Variants in BBX observed in about 807,000 individuals in gnomAD.
BBX encodes BBX high mobility group box domain containing, also known as HMG box transcription factor BBX.
Under a neutral mutation model 100.2 loss-of-function variants are expected in BBX, and 30 were observed. The ratio of observed to expected loss-of-function variants is 0.30; its 90% confidence interval spans 0.22 to 0.41. BBX has a LOEUF of 0.41. Ranked by LOEUF, BBX falls within the 10% of genes least tolerant of loss-of-function variation. The pLI, the probability that BBX is intolerant of heterozygous loss-of-function variation, is 1.00. For synonymous variants in BBX, 376 were observed against 388.1 expected (o/e 0.97, Z 0.37); for missense variants, 1,023 against 1,129.8 (o/e 0.91, Z 1.35).
chr3:107,534,995 ATTAC>A (rs1038677993), intron 2 of BBX, among the ~76,000 whole-genome samples: 2 of 152,130 alleles, frequency 1.3e-5, no homozygotes, highest in African/African-American at 2.4e-5. Context: ...TTTTGTTTTT[ATTAC>A]TTTATTTTTC....
intron 3 of BBX, among the ~76,000 whole-genome samples, chr3:107,674,480 G>A (rs2059182933): frequency 6.6e-6 from 1 of 152,088 alleles, no homozygotes; most frequent in Admixed American, 6.6e-5. Context: ...AATGACTTTG[G>A]GACTCTGGAC....
At chr3:107,739,650 A>G (rs1357434836) in intron 7 of BBX, among the ~76,000 whole-genome samples, 2 of 152,216 alleles carry the variant, frequency 1.3e-5, no homozygotes, top group African/African-American at 4.8e-5. Flanking sequence ...AGGTGGGCAG[A>G]AAGAGAGCTG....
chr3:107,750,841 A>G (rs1487092991), intron 9 of BBX, among the ~76,000 whole-genome samples: 3 of 152,268 alleles, frequency 2.0e-5, no homozygotes, highest in Admixed American at 2.0e-4. Flanking sequence ...TTCATAAAAC[A>G]CCATCACCTT....
chr3:107,770,936 G>A (rs2066855480), intron 10 of BBX, among the ~76,000 whole-genome samples: 1 of 152,128 alleles, frequency 6.6e-6, no homozygotes, highest in African/African-American at 2.4e-5. Flanking sequence ...ACCTAAAAAT[G>A]AATTTTACAG....
chr3:107,650,945 G>C (rs2057803175), intron 3 of BBX, among the ~76,000 whole-genome samples: 1 of 152,070 alleles, frequency 6.6e-6, no homozygotes, highest in Non-Finnish European at 1.5e-5. Context: ...CACCAGAAAG[G>C]GCTGCCTTTT....
intron 2 of BBX, among the ~76,000 whole-genome samples, chr3:107,555,509 C>G (rs2050030172): frequency 1.3e-5 from 2 of 152,088 alleles, no homozygotes; most frequent in African/African-American, 4.8e-5. Context: ...TCATGAAGAT[C>G]AAACAAAAAA....
chr3:107,547,510 G>A lies in BBX; in HGVS notation c.-84+21112G>A, dbSNP rs2049324326. Among the ~76,000 whole-genome samples the A allele has an allele frequency of 1.3e-5, 2 of 152,082 alleles. 1 individual carries two copies. The highest frequency in any genetic ancestry group is 4.1e-4 in the South Asian group (2 of 4,826). ...GACATACGACTTTAAGATCTGATCA[G>A]ATCTCTCACAGATTCCCATGAAACC... On this transcript the variant is annotated intron_variant, in intron 2 of 17. Coordinates refer to ENST00000325805, the MANE Select transcript of BBX (RefSeq NM_001142568.3).
intron 3 of BBX, chr3:107,662,842 C>T (rs1053021796): frequency 6.6e-6 from 1 of 151,898 alleles, no homozygotes; most frequent in Non-Finnish European, 1.5e-5. Context: ...AAACTAACAC[C>T]GGAAATATTT....
intron 3 of BBX, among the ~76,000 whole-genome samples, chr3:107,692,916 T>G (rs1263982448): frequency 1.3e-5 from 2 of 150,736 alleles, no homozygotes; most frequent in Admixed American, 6.6e-5. Flanking sequence ...GGTATCTCGT[T>G]GTGGTTTTGA....
At chr3:107,719,058 G>A (rs567001457) in intron 5 of BBX, among the ~76,000 whole-genome samples, 2 of 152,116 alleles carry the variant, frequency 1.3e-5, no homozygotes, top group South Asian at 2.1e-4. Flanking sequence ...GCCTTAACTG[G>A]AATGTTAGTT....
intron 2 of BBX, among the ~76,000 whole-genome samples, chr3:107,530,005 T>C (rs1425872650): frequency 6.6e-6 from 1 of 152,196 alleles, no homozygotes; most frequent in East Asian, 1.9e-4. Context: ...TATTACCAAA[T>C]GTACCAAAAT....
chr3:107,695,802 A>T (rs1179017621), intron 3 of BBX, among the ~76,000 whole-genome samples: 9 of 151,388 alleles, frequency 5.9e-5, no homozygotes, highest in African/African-American at 2.2e-4. Flanking sequence ...GGGGTGTTAA[A>T]GTCTCCCATT....
chr3:107,723,368 G>C (rs2107453790), intron 5 of BBX, among the ~76,000 whole-genome samples: 1 of 151,828 alleles, frequency 6.6e-6, no homozygotes, highest in East Asian at 1.9e-4. Flanking sequence ...TTTTGTAAAT[G>C]ATCTGGAAAA....
intron 2 of BBX, among the ~76,000 whole-genome samples, chr3:107,602,239 G>A (rs1396684435): frequency 2.0e-5 from 3 of 152,202 alleles, no homozygotes; most frequent in Admixed American, 6.5e-5. Flanking sequence ...TGCTAACACA[G>A]CATTCATTCT....
At chr3:107,616,065 AT>A (rs1294912799) in intron 2 of BBX, among the ~76,000 whole-genome samples, 9 of 49,704 alleles carry the variant, frequency 1.8e-4, no homozygotes, top group Non-Finnish European at 2.5e-4. Flanking sequence ...GTTGTTTAAA[AT>A]TTTTTTTAAC....
chr3:107,531,792 A>G (rs1007835818), intron 2 of BBX, among the ~76,000 whole-genome samples: 9 of 152,176 alleles, frequency 5.9e-5, no homozygotes, highest in Non-Finnish European at 1.2e-4. Flanking sequence ...TTAAAAAAGT[A>G]GAGTATGGGA....
chr3:107,689,823 A>G (rs926412240), intron 3 of BBX, among the ~76,000 whole-genome samples: 7 of 152,190 alleles, frequency 4.6e-5, no homozygotes, highest in Non-Finnish European at 1.0e-4. Context: ...CAGTGATACA[A>G]TCAGATGGAA....
In BBX at chr3:107,565,329, G is replaced by A. The variant is rs1373459423; in HGVS notation, c.-84+38931G>A. 7.3e-5 allele frequency among the ~76,000 whole-genome samples: 11 copies of A among 150,952 alleles called. No individual in the cohort carries two copies. The South Asian group carries it at 1.9e-3, about 26-fold the overall frequency. ...TTTTTTTTGGCTAGTACATTGGCTA[G>A]CACTTCTAATATGTTGATTGTTTTT... On this transcript the variant is annotated intron_variant, in intron 2 of 17. Coordinates refer to ENST00000325805, the MANE Select transcript of BBX (RefSeq NM_001142568.3).
At chr3:107,724,120 G>A (rs1347808760) in intron 5 of BBX, among the ~76,000 whole-genome samples, 2 of 151,756 alleles carry the variant, frequency 1.3e-5, no homozygotes, top group African/African-American at 4.8e-5. Flanking sequence ...GTGTGAGATG[G>A]TATCTCATTG....
Sources: gnomAD v4.1 joint callset for allele counts (sites outside exome capture counted in the v4.1 genomes callset) on GRCh38, gnomAD v4.1.1 for gene constraint, MANE v1.5 for transcripts, NCBI Gene and HGNC (gene_info 2026-07-23, HGNC 2026-07-21) for gene names.